The following ANKFN1 variants were observed in gnomAD, a reference collection of about 807,000 sequenced individuals.
The protein encoded by ANKFN1 is ankyrin repeat and fibronectin type III domain containing 1, also known as ankyrin repeat and fibronectin type-III domain-containing protein 1.
ANKFN1 carries 74 observed loss-of-function variants against 108.7 expected under a neutral mutation model. The ratio of observed to expected loss-of-function variants is 0.68; its 90% confidence interval spans 0.56 to 0.83. The LOEUF (loss-of-function observed/expected upper bound fraction) is 0.83, where lower values mean the gene tolerates loss of function less well. Ranked by LOEUF, ANKFN1 falls within the 40% of genes least tolerant of loss-of-function variation. The pLI is 0.00. For missense variants in ANKFN1, 1,505 were observed against 1,382.3 expected, an observed-to-expected ratio of 1.09 and a Z score of -1.41; for synonymous variants, 547 against 516.2, an observed-to-expected ratio of 1.06 and a Z score of -0.81.
chr17:56,129,861 A>T (rs573083697), intron 4 of ANKFN1, among the ~76,000 whole-genome samples: 2 of 152,218 alleles, frequency 1.3e-5, no homozygotes, highest in Non-Finnish European at 2.9e-5. Flanking sequence ...TTTGTTGAAC[A>T]AATTCATGCT....
intron 8 of ANKFN1, among the ~76,000 whole-genome samples, chr17:56,383,259 T>C (rs2047159700): frequency 6.6e-6 from 1 of 151,940 alleles, no homozygotes; most frequent in East Asian, 1.9e-4. Context: ...AAGGCAGAAA[T>C]AAAGATGTTC....
chr17:56,353,753 C>T, intron 5 of ANKFN1, 83 bp from the exon 6 acceptor site: 1 of 1,245,416 alleles, frequency 8.0e-7, no homozygotes, highest in Admixed American at 1.8e-5. Context: ...GTCCCTGAAA[C>T]AGTCTTTAAA....
At chr17:56,411,755 T>C (rs1050976209) in intron 8 of ANKFN1, among the ~76,000 whole-genome samples, 1 of 152,190 alleles carries the variant, frequency 6.6e-6, no homozygotes, top group Non-Finnish European at 1.5e-5. Flanking sequence ...TCATATGGGT[T>C]TCATCCTTCA....
chr17:56,388,559 G>T (rs963129904), intron 8 of ANKFN1, among the ~76,000 whole-genome samples: 1 of 151,962 alleles, frequency 6.6e-6, no homozygotes, highest in African/African-American at 2.4e-5. Context: ...ATTTTTAATT[G>T]CCAACTATGT....
chr17:56,504,892 C>T (rs376250879), intron 20 of ANKFN1, among the ~76,000 whole-genome samples: 3 of 147,300 alleles, frequency 2.0e-5, no homozygotes, highest in South Asian at 2.2e-4. Context: ...AGGCTGGTCT[C>T]GAACTCCTGA....
In ANKFN1 at chr17:56,079,625, A is replaced by G. The variant is rs564358878; in HGVS notation, c.288+33300A>G. On this transcript the variant is annotated intron_variant, in intron 4 of 12. Transcript: ENST00000635860. Reference sequence around the variant, plus strand: ...TTAGACATTGTCTAAGACTCTAACTATCAGGACTGGGCTGGATAAAGAAAA... The same window carrying G: ...TTAGACATTGTCTAAGACTCTAACTGTCAGGACTGGGCTGGATAAAGAAAA... 5.3e-5 allele frequency among the ~76,000 whole-genome samples: 8 copies of G among 152,228 alleles called. No individual in the cohort carries two copies. The East Asian group carries it at 1.5e-3, about 29-fold the overall frequency.
chr17:56,411,692 C>T (rs141370010), intron 8 of ANKFN1, among the ~76,000 whole-genome samples: 74 of 152,194 alleles, frequency 4.9e-4, no homozygotes, highest in African/African-American at 1.7e-3. Context: ...GACTTTTTAT[C>T]ATGAAAAGAT....
chr17:56,080,083 C>T (rs150240007), intron 4 of ANKFN1, among the ~76,000 whole-genome samples: 83 of 152,198 alleles, frequency 5.5e-4, no homozygotes, highest in African/African-American at 1.9e-3. Context: ...CAAGAAAATA[C>T]GTTTTTCACC....
At chr17:56,105,263 T>C (rs1315960914) in intron 4 of ANKFN1, among the ~76,000 whole-genome samples, 2 of 152,050 alleles carry the variant, frequency 1.3e-5, no homozygotes, top group Non-Finnish European at 2.9e-5. Context: ...GAGTGACTGG[T>C]TCTGTATGGA....
intron 4 of ANKFN1, among the ~76,000 whole-genome samples, chr17:56,145,706 CT>C (rs113828130): frequency 4.5e-4 from 68 of 152,298 alleles, no homozygotes; most frequent in African/African-American, 1.5e-3. Context: ...TATTCTGCCC[CT>C]GGACCCTCCC....
chr17:56,124,642 G>A (rs930017437), intron 4 of ANKFN1, among the ~76,000 whole-genome samples: 3 of 152,168 alleles, frequency 2.0e-5, no homozygotes, highest in African/African-American at 7.2e-5. Context: ...GTCCCAATCA[G>A]ACGCTCGGAA....
At chr17:56,103,445 C>T (rs1429397201) in intron 4 of ANKFN1, among the ~76,000 whole-genome samples, 2 of 152,130 alleles carry the variant, frequency 1.3e-5, no homozygotes, top group African/African-American at 2.4e-5. Flanking sequence ...GGAGGAGGAC[C>T]GGAGAGCAGC....
At chr17:56,472,235 A>C (rs1283119332) in intron 15 of ANKFN1, 1 of 152,144 alleles carries the variant, frequency 6.6e-6, no homozygotes, top group Admixed American at 6.5e-5. Context: ...AAGTCTTTTT[A>C]TTTTTATAAT....
chr17:56,360,839 T>G (rs1293221344), intron 6 of ANKFN1, among the ~76,000 whole-genome samples: 1 of 152,228 alleles, frequency 6.6e-6, no homozygotes, highest in Non-Finnish European at 1.5e-5. Flanking sequence ...ATTCAAGGTA[T>G]ATAATGTGAT....
chr17:56,475,913 G>T (rs554370655), intron 15 of ANKFN1, among the ~76,000 whole-genome samples: 8 of 152,296 alleles, frequency 5.3e-5, no homozygotes, highest in African/African-American at 1.9e-4. Context: ...TTATGAGGAA[G>T]TTTAATTGAA....
At chr17:56,095,692 C>T (rs988051775) in intron 4 of ANKFN1, among the ~76,000 whole-genome samples, 1 of 152,132 alleles carries the variant, frequency 6.6e-6, no homozygotes, top group Non-Finnish European at 1.5e-5. Flanking sequence ...AGTGCTTATG[C>T]CCTGAGCGCA....
At chr17:56,284,404 C>CT (rs1035727929) in intron 3 of ANKFN1, among the ~76,000 whole-genome samples, 2 of 151,790 alleles carry the variant, frequency 1.3e-5, no homozygotes, top group Admixed American at 1.3e-4. Flanking sequence ...ATGATATTTC[C>CT]TTTTTTTTCT....
intron 2 of ANKFN1, among the ~76,000 whole-genome samples, chr17:56,227,155 T>C (rs1260757095): frequency 1.3e-5 from 2 of 152,156 alleles, no homozygotes; most frequent in Admixed American, 6.6e-5. Flanking sequence ...ATAGGGACTT[T>C]CCTGCCATTT....
intron 1 of ANKFN1, among the ~76,000 whole-genome samples, chr17:56,198,111 C>A (rs1913684318): frequency 6.6e-6 from 1 of 152,156 alleles, no homozygotes; most frequent in African/African-American, 2.4e-5. Context: ...GAAGCAGTTT[C>A]AGGATGATTA....
Sources: allele counts gnomAD v4.1 joint callset (sites outside exome capture counted in the v4.1 genomes callset), GRCh38; gene constraint gnomAD v4.1.1; transcripts MANE v1.5; gene names NCBI Gene and HGNC (gene_info 2026-07-23, HGNC 2026-07-21).